Variants in CDK5RAP2 observed in about 807,000 individuals in gnomAD.
CDK5RAP2 encodes the protein CDK5 regulatory subunit-associated protein 2.
Under a neutral mutation model 232.9 loss-of-function variants are expected in CDK5RAP2, and 147 were observed. The ratio of observed to expected loss-of-function variants is 0.63; its 90% confidence interval spans 0.55 to 0.72. CDK5RAP2 has a LOEUF of 0.72. Ranked by LOEUF, CDK5RAP2 falls within the 30% of genes least tolerant of loss-of-function variation. The probability of loss-of-function intolerance (pLI) is 0.00; values close to 1 mark genes in which losing one functional copy is unlikely to be tolerated. For missense variants in CDK5RAP2, 2,195 were observed against 2,231.5 expected (o/e 0.98, Z 0.33); for synonymous variants, 833 against 833.7 (o/e 1.00, Z 0.01).
At chr9:120,553,857 G>A (rs1420099192) in intron 3 of CDK5RAP2, among the ~76,000 whole-genome samples, 1 of 152,120 alleles carries the variant, frequency 6.6e-6, no homozygotes, top group East Asian at 1.9e-4. Context: ...AAACTCCTAG[G>A]CTCAAGGATT....
intron 11 of CDK5RAP2, among the ~76,000 whole-genome samples, chr9:120,521,514 G>C (rs1229997140): frequency 2.6e-5 from 4 of 152,070 alleles, no homozygotes; most frequent in African/African-American, 9.7e-5. Flanking sequence ...GTCTTATAAA[G>C]GGCAGTTCCC....
rs1004907 is a variant in CDK5RAP2 at position 120,546,414 on chromosome 9, A to G, written c.307-624T>C. On this transcript the variant is annotated intron_variant, in intron 4 of 37. Coordinates refer to ENST00000349780, the MANE Select transcript of CDK5RAP2 (RefSeq NM_018249.6). Reference sequence around the variant, plus strand: ...CTGACTGGAACAAAGGGAGTTGCACACAGCCTTGGGCTTATAACTCACGTG... The same window carrying G: ...CTGACTGGAACAAAGGGAGTTGCACGCAGCCTTGGGCTTATAACTCACGTG... Among the ~76,000 whole-genome samples the G allele has an allele frequency of 8.4e-3, 1,283 of 152,312 alleles. 57 individuals are homozygous for G. The highest frequency in any genetic ancestry group is 0.057 in the Admixed American group (875 of 15,294).
chr9:120,536,283 G>A (rs1225293663), intron 7 of CDK5RAP2, 89 bp downstream of exon 7: 1 of 1,408,588 alleles, frequency 7.1e-7, no homozygotes, highest in Non-Finnish European at 1.0e-6. Flanking sequence ...GGGGAGAAGG[G>A]AGGGATAAAA....
chr9:120,577,348 G>A (rs1345440221), intron 1 of CDK5RAP2, among the ~76,000 whole-genome samples: 4 of 128,292 alleles, frequency 3.1e-5, no homozygotes, highest in African/African-American at 8.5e-5. Context: ...GCAACAAAGC[G>A]AGACCCTGTC....
chr9:120,469,990 A>G, intron 17 of CDK5RAP2, 121 bp downstream of exon 17: 1 of 642,332 alleles, frequency 1.6e-6, no homozygotes, highest in East Asian at 2.8e-5. Flanking sequence ...ACAACAAGGC[A>G]GAGGGGACAG....
chr9:120,560,300 C>A (rs1372706584), intron 3 of CDK5RAP2, among the ~76,000 whole-genome samples: 1 of 152,230 alleles, frequency 6.6e-6, no homozygotes, highest in Non-Finnish European at 1.5e-5. Context: ...AAGCACCTGG[C>A]AGAGCCTTGC....
At chr9:120,479,065 GTTT>G (rs2038171545) in intron 14 of CDK5RAP2, among the ~76,000 whole-genome samples, 1 of 152,134 alleles carries the variant, frequency 6.6e-6, no homozygotes, top group African/African-American at 2.4e-5. Flanking sequence ...CACAGACCCA[GTTT>G]GGAAAGGCTC....
intron 3 of CDK5RAP2, among the ~76,000 whole-genome samples, chr9:120,567,548 G>A (rs555140604): frequency 1.3e-5 from 2 of 152,298 alleles, no homozygotes; most frequent in South Asian, 4.1e-4. Flanking sequence ...ACTTGTTAAA[G>A]AGAACTGGAA....
intron 11 of CDK5RAP2, among the ~76,000 whole-genome samples, chr9:120,523,096 T>C (rs745576427): frequency 1.3e-5 from 2 of 152,218 alleles, no homozygotes; most frequent in Non-Finnish European, 2.9e-5. Flanking sequence ...CTGACATGTA[T>C]AACCTGAAGA....
chr9:120,579,705 G>C (rs1387840788), intron 1 of CDK5RAP2, among the ~76,000 whole-genome samples: 1 of 152,194 alleles, frequency 6.6e-6, no homozygotes, highest in Non-Finnish European at 1.5e-5. Context: ...AGTACATGGC[G>C]CAATGCTACT....
At chr9:120,563,589 T>C (rs1190386763) in intron 3 of CDK5RAP2, among the ~76,000 whole-genome samples, 1 of 152,158 alleles carries the variant, frequency 6.6e-6, no homozygotes, top group Admixed American at 6.5e-5. Flanking sequence ...GGAAAGATAG[T>C]AGTAGCCCCA....
rs756018329 is a variant in CDK5RAP2 at position 120,437,465 on chromosome 9, T to A, written c.3785A>T (p.Asp1262Val). ...GGAGATGACACAGATGCCATGGCCA[T>A]CCTTAATCTGCTGCCGTTGAAGGGA... ...ELSLQRQQIK[D>V]GHGICVISRQ... Residue 1262 changes from aspartate (D) to valine (V), a missense_variant, in exon 25 of 38, where the codon GAT becomes GTT. By Grantham distance (152) the Asp-to-Val change is radical. Coordinates refer to ENST00000349780, the MANE Select transcript of CDK5RAP2 (RefSeq NM_018249.6). The A allele has an allele frequency of 2.5e-6, 4 of 1,614,028 alleles. No homozygotes were observed. Among genetic ancestry groups the A allele is most frequent in the Non-Finnish European group, 3.4e-6 (4 of 1,180,016 alleles).
Position 120,563,659 on chromosome 9 carries a change from G to A in CDK5RAP2, c.195+4662C>T, listed in dbSNP as rs550577195. Among the ~76,000 whole-genome samples, 12 of 152,296 alleles carry A rather than the reference G, an allele frequency of 7.9e-5. No individual in the cohort carries two copies. In the South Asian group the frequency reaches 1.0e-3, roughly 13 times the overall value. The stretch of plus-strand genomic sequence containing the variant: ...AGGCCACAGATCAGTAAGTGGCAGG[G>A]CCAAGCCTGAAACCCAGTCCTCATC... On this transcript the variant is annotated intron_variant, in intron 3 of 37. Coordinates refer to ENST00000349780, the MANE Select transcript of CDK5RAP2 (RefSeq NM_018249.6).
chr9:120,407,498 C>T (rs2033539715), intron 31 of CDK5RAP2: 1 of 544,130 alleles, frequency 1.8e-6, no homozygotes, highest in African/African-American at 1.9e-5. Context: ...TAGCAAATTG[C>T]ACACCAAACC....
chr9:120,410,189 C>A (rs1366546595), intron 29 of CDK5RAP2, among the ~76,000 whole-genome samples: 1 of 152,172 alleles, frequency 6.6e-6, no homozygotes. Flanking sequence ...GGTGGCAGAA[C>A]CAGAATTCGG....
At chr9:120,435,754 T>C (rs984615563) in intron 25 of CDK5RAP2, among the ~76,000 whole-genome samples, 7 of 152,160 alleles carry the variant, frequency 4.6e-5, no homozygotes, top group African/African-American at 1.2e-4. Context: ...CAATATAATA[T>C]GAATGTCAGA....
At chr9:120,443,263 A>AATACT (rs2035998015) in intron 23 of CDK5RAP2, among the ~76,000 whole-genome samples, 1 of 152,122 alleles carries the variant, frequency 6.6e-6, no homozygotes, top group African/African-American at 2.4e-5. Flanking sequence ...CCCCGCGCTG[A>AATACT]ATACTAACAG....
chr9:120,485,057 TGTA>T (rs1408800203), intron 14 of CDK5RAP2, among the ~76,000 whole-genome samples: 1 of 152,104 alleles, frequency 6.6e-6, no homozygotes, highest in African/African-American at 2.4e-5. Flanking sequence ...CAATTCATCT[TGTA>T]GAACACTATT....
chr9:120,429,993 A>C (rs2131427360), intron 25 of CDK5RAP2, among the ~76,000 whole-genome samples: 1 of 152,336 alleles, frequency 6.6e-6, no homozygotes, highest in South Asian at 2.1e-4. Context: ...CAAACCTGAG[A>C]AAAACAAGCA....
Sources: gnomAD v4.1 joint callset for allele counts (sites outside exome capture counted in the v4.1 genomes callset) on GRCh38, gnomAD v4.1.1 for gene constraint, MANE v1.5 for transcripts, NCBI Gene and HGNC (gene_info 2026-07-23, HGNC 2026-07-21) for gene names.